Variants in LRRTM3 observed in about 807,000 individuals in gnomAD.
The protein encoded by LRRTM3 is leucine-rich repeat transmembrane neuronal protein 3.
LRRTM3 carries 24 observed loss-of-function variants against 44.7 expected under a neutral mutation model. The observed-to-expected ratio is 0.54, with a 90% CI of 0.39 to 0.76. The LOEUF is 0.76. Among genes scored for constraint, LRRTM3 ranks in the 30% least tolerant of loss-of-function variants. The pLI is 0.00. For synonymous variants in LRRTM3, 277 were observed against 278.7 expected, an observed-to-expected ratio of 0.99 and a Z score of 0.06; for missense variants, 587 against 702.2, an observed-to-expected ratio of 0.84 and a Z score of 1.85.
intron 2 of LRRTM3, among the ~76,000 whole-genome samples, chr10:66,943,174 A>G (rs1848102068): frequency 6.6e-6 from 1 of 152,198 alleles, no homozygotes; most frequent in Admixed American, 6.5e-5. Flanking sequence ...CGTTCTTTTT[A>G]AAGACTTTGA....
At chr10:67,002,330 C>A (rs546415195) in intron 2 of LRRTM3, among the ~76,000 whole-genome samples, 4 of 152,140 alleles carry the variant, frequency 2.6e-5, no homozygotes, top group Non-Finnish European at 4.4e-5. Flanking sequence ...TACTAATTCT[C>A]AGAGCAGTGC....
At chr10:67,017,379 T>C (rs1418835303) in intron 2 of LRRTM3, among the ~76,000 whole-genome samples, 1 of 152,188 alleles carries the variant, frequency 6.6e-6, no homozygotes, top group African/African-American at 2.4e-5. Context: ...TAGGATTCTT[T>C]CTACCACATC....
At chr10:66,955,071 A>G (rs1848718464) in intron 2 of LRRTM3, among the ~76,000 whole-genome samples, 5 of 152,194 alleles carry the variant, frequency 3.3e-5, no homozygotes, top group African/African-American at 7.2e-5. Context: ...ATCATATAAT[A>G]CATGGTAAAC....
chr10:66,943,519 CT>C (rs34477836), intron 2 of LRRTM3, among the ~76,000 whole-genome samples: 120,842 of 141,470 alleles, frequency 0.85, 53,303 homozygotes, highest in Non-Finnish European at 0.98. Flanking sequence ...TTCCCCCACC[CT>C]TTTTTTTTTT....
chr10:67,011,909 C>T (rs1852363110), intron 2 of LRRTM3, among the ~76,000 whole-genome samples: 1 of 152,152 alleles, frequency 6.6e-6, no homozygotes, highest in South Asian at 2.1e-4. Flanking sequence ...GCTTCATAAA[C>T]ACCTGCCCTT....
chr10:67,052,400 C>A (rs773468271), intron 2 of LRRTM3, among the ~76,000 whole-genome samples: 1 of 151,436 alleles, frequency 6.6e-6, no homozygotes, highest in Non-Finnish European at 1.5e-5. Context: ...ATTCCATGGG[C>A]TTCACTAGGC....
At chr10:67,064,429 TTATG>T (rs1855950561) in intron 2 of LRRTM3, among the ~76,000 whole-genome samples, 1 of 152,120 alleles carries the variant, frequency 6.6e-6, no homozygotes, top group African/African-American at 2.4e-5. Context: ...TTTCATAAAT[TTATG>T]TATTTTAGAA....
At chr10:67,029,541 G>A (rs1853593243) in intron 2 of LRRTM3, among the ~76,000 whole-genome samples, 1 of 152,086 alleles carries the variant, frequency 6.6e-6, no homozygotes, top group Non-Finnish European at 1.5e-5. Flanking sequence ...TTAAGCTATA[G>A]CACTTAAGAT....
chr10:67,077,821 T>A (rs1304421156), intron 2 of LRRTM3, among the ~76,000 whole-genome samples: 2 of 152,018 alleles, frequency 1.3e-5, no homozygotes, highest in Non-Finnish European at 2.9e-5. Context: ...ATGAATGAAT[T>A]AATAAAGAGA....
intron 2 of LRRTM3, among the ~76,000 whole-genome samples, chr10:67,007,126 G>T (rs975126903): frequency 9.9e-5 from 15 of 152,022 alleles, no homozygotes; most frequent in Admixed American, 3.3e-4. Flanking sequence ...ATTGCTTATT[G>T]GTTCTTCACT....
intron 2 of LRRTM3, among the ~76,000 whole-genome samples, chr10:66,942,558 C>T (rs2132686439): frequency 6.6e-6 from 1 of 151,570 alleles, no homozygotes; most frequent in African/African-American, 2.4e-5. Context: ...GTCTCTCTCT[C>T]TCTCTCTCTC....
rs752828137 is a variant in LRRTM3, at chr10:66,927,865, A to C, written c.949A>C (p.Ser317Arg). 13 of 1,614,248 alleles carry C rather than the reference A, an allele frequency of 8.1e-6. No individual in the cohort carries two copies. Among genetic ancestry groups the C allele is most frequent in the Non-Finnish European group, 1.1e-5 (13 of 1,180,040 alleles). ...ISLAGNIWEC[S>R]RNICSLVNWL... The stretch of plus-strand genomic sequence containing the variant: ...TCTTGCTGGGAATATATGGGAATGC[A>C]GCAGAAATATTTGCTCCCTTGTAAA... The change falls in exon 2 of 3, where the codon AGC becomes CGC. Residue 317 changes from serine (S) to arginine (R), a missense_variant. Transcript: ENST00000361320. This position sits in a 1 kb window ranked among gnomAD's most constrained non-coding sequence, Gnocchi z 4.7.
chr10:66,968,659 A>G (rs1849563149), intron 2 of LRRTM3, among the ~76,000 whole-genome samples: 1 of 152,154 alleles, frequency 6.6e-6, no homozygotes, highest in South Asian at 2.1e-4. Flanking sequence ...ATAAGTGGCT[A>G]TGAAACTGGG....
At chr10:66,946,442 T>A (rs1335917385) in intron 2 of LRRTM3, among the ~76,000 whole-genome samples, 1 of 152,116 alleles carries the variant, frequency 6.6e-6, no homozygotes, top group East Asian at 1.9e-4. Flanking sequence ...ATGGTCAATG[T>A]ACAGCTTGAT....
Position 67,015,710 on chromosome 10 carries a change from CTTCTTT to C in LRRTM3, c.1537-81874_1537-81869del, listed in dbSNP as rs576437794. Among the ~76,000 whole-genome samples, 233 of 152,086 alleles carry C rather than the reference CTTCTTT, an allele frequency of 1.5e-3. 4 individuals carry two copies. In the South Asian group the frequency reaches 0.047, roughly 31 times the overall value. ...AGATTCAAATCTTTGTAACAATTTTCTTCTTTTTATTTTTTATTTTTATTGATTCAT... is the reference window on the plus strand; with the variant it reads ...AGATTCAAATCTTTGTAACAATTTTCTTATTTTTTATTTTTATTGATTCAT... On this transcript the variant is annotated intron_variant, in intron 2 of 2. Coordinates refer to ENST00000361320, the MANE Select transcript of LRRTM3 (RefSeq NM_178011.5).
At chr10:67,090,574 A>G (rs1857571836) in intron 2 of LRRTM3, among the ~76,000 whole-genome samples, 1 of 152,144 alleles carries the variant, frequency 6.6e-6, no homozygotes, top group Non-Finnish European at 1.5e-5. Flanking sequence ...GAGTGATTTT[A>G]TACAAATTAT....
At chr10:67,039,391 C>T (rs577155311) in intron 2 of LRRTM3, among the ~76,000 whole-genome samples, 1 of 152,070 alleles carries the variant, frequency 6.6e-6, no homozygotes, top group Admixed American at 6.6e-5. Context: ...GCAGAAAAAG[C>T]CTAGTATTAG....
chr10:67,069,477 G>T (rs1009070636), intron 2 of LRRTM3, among the ~76,000 whole-genome samples: 5 of 151,898 alleles, frequency 3.3e-5, no homozygotes, highest in African/African-American at 9.7e-5. Context: ...TATCATGATG[G>T]TGAATATTCA....
intron 2 of LRRTM3, among the ~76,000 whole-genome samples, chr10:66,953,488 A>G (rs538113427): frequency 1.8e-4 from 28 of 152,298 alleles, no homozygotes; most frequent in Admixed American, 3.3e-4. Flanking sequence ...TTCCCAACAA[A>G]GAATAAGTCA....
Sources: gnomAD v4.1 joint callset for allele counts (sites outside exome capture counted in the v4.1 genomes callset) on GRCh38, gnomAD v4.1.1 for gene constraint, Gnocchi (gnomAD v3.1) non-coding constraint, MANE v1.5 for transcripts, NCBI Gene and HGNC (gene_info 2026-07-23, HGNC 2026-07-21) for gene names.